RYR3: variants seen among roughly 807,000 people sequenced by gnomAD.
The protein encoded by RYR3 is ryanodine receptor 3.
A neutral mutation model predicts 584.3 loss-of-function variants in RYR3; 207 were observed. That is an observed-to-expected ratio of 0.35 (90% CI 0.32 to 0.40). The LOEUF is 0.40. RYR3 is among the 10% of genes least tolerant of loss of function. The pLI is 1.00. For synonymous variants in RYR3, 2,416 were observed against 2,248.5 expected (o/e 1.07, Z -2.11); for missense variants, 5,616 against 6,089.2 (o/e 0.92, Z 2.59).
At chr15:33,473,310 C>A (rs757514425) in intron 1 of RYR3, 109 bp from the exon 2 acceptor site, 1 of 1,268,522 alleles carries the variant, frequency 7.9e-7, no homozygotes, top group Non-Finnish European at 1.1e-6. Flanking sequence ...ACAAAAAGCA[C>A]GTGGCTGTCA....
chr15:33,803,050 G>A lies in RYR3; in HGVS notation c.10011+1089G>A, dbSNP rs535123143. On this transcript the variant is annotated intron_variant, in intron 69 of 103. Coordinates refer to ENST00000634891, the MANE Select transcript of RYR3 (RefSeq NM_001036.6). ...CCAAAAGCGAAAACTTTAGCATCTG[G>A]AGCTCCACCAAGCATAGCTAGCTCT... 2.0e-5 allele frequency among the ~76,000 whole-genome samples: 3 copies of A among 152,306 alleles called. No individual in the cohort carries two copies. In the South Asian group the frequency reaches 6.2e-4, roughly 32 times the overall value.
chr15:33,786,260 T>C (rs1329625802), intron 66 of RYR3, among the ~76,000 whole-genome samples: 9 of 152,192 alleles, frequency 5.9e-5, no homozygotes, highest in South Asian at 4.1e-4. Flanking sequence ...CCAATGAGCA[T>C]TGCTTTATTT....
At chr15:33,631,112 A>AG in intron 22 of RYR3, 98 bp from the exon 23 acceptor site, 1 of 725,608 alleles carries the variant, frequency 1.4e-6, no homozygotes, top group Admixed American at 2.8e-5. Context: ...GGGCTAAATG[A>AG]ATGGCTCTTG....
chr15:33,420,417 T>C (rs554613763), intron 1 of RYR3, among the ~76,000 whole-genome samples: 1 of 152,288 alleles, frequency 6.6e-6, no homozygotes, highest in East Asian at 1.9e-4. Flanking sequence ...ACTTGTAAGT[T>C]GATTAATATT....
chr15:33,379,685 CTCTATATA>C (rs1416754891), intron 1 of RYR3, among the ~76,000 whole-genome samples: 3 of 117,844 alleles, frequency 2.5e-5, no homozygotes, highest in African/African-American at 8.0e-5. Context: ...CTCTCTCTCT[CTCTATATA>C]TATATATATA....
rs200094293 is a variant in RYR3, at chr15:33,597,412, C to T, written c.1789-4007C>T. ...TGGGCAGATTACGAGGTCAGGAGTT[C>T]GAAACCAGCCTGGTCAACATAGTGA... On this transcript the variant is annotated intron_variant, in intron 16 of 103. Transcript: ENST00000634891. Among the ~76,000 whole-genome samples, 3 of 152,130 alleles carry T rather than the reference C, an allele frequency of 2.0e-5. No homozygotes were observed. In the East Asian group the frequency reaches 5.8e-4, roughly 30 times the overall value.
At chr15:33,438,697 C>T (rs2045945476) in intron 1 of RYR3, among the ~76,000 whole-genome samples, 1 of 152,130 alleles carries the variant, frequency 6.6e-6, no homozygotes, top group African/African-American at 2.4e-5. Context: ...ATATCTTTTC[C>T]ACAATATCTT....
chr15:33,361,982 A>T (rs969938266), intron 1 of RYR3, among the ~76,000 whole-genome samples: 1 of 152,160 alleles, frequency 6.6e-6, no homozygotes, highest in African/African-American at 2.4e-5. Context: ...CAGGAAGGTA[A>T]CTGACTGGAG....
intron 1 of RYR3, among the ~76,000 whole-genome samples, chr15:33,410,285 G>T (rs1023524831): frequency 6.6e-6 from 1 of 152,252 alleles, no homozygotes. Context: ...TAACTGAACA[G>T]GAGCCTTTGA....
chr15:33,807,924 G>A, intron 70 of RYR3: 2 of 284,118 alleles, frequency 7.0e-6, no homozygotes, highest in Non-Finnish European at 1.3e-5. Flanking sequence ...GCTACCCAGG[G>A]TCAGAGTCCT....
chr15:33,648,279 T>C (rs2062224600), intron 30 of RYR3, among the ~76,000 whole-genome samples: 1 of 152,170 alleles, frequency 6.6e-6, no homozygotes, highest in South Asian at 2.1e-4. Flanking sequence ...TACCTGGCAG[T>C]GTCAAGATTC....
intron 85 of RYR3, among the ~76,000 whole-genome samples, chr15:33,828,100 A>G (rs1469394081): frequency 6.6e-6 from 1 of 152,098 alleles, no homozygotes; most frequent in Non-Finnish European, 1.5e-5. Context: ...ACTTTTCACT[A>G]TTATATCTAT....
rs10647466 is a variant in RYR3 at position 33,450,087 on chromosome 15, T to TAAAAAAAAAAAAA, written c.52-23320_52-23308dup. ...TTACTGCGGCTAGAGCATTAATACC[T>TAAAAAAAAAAAAA]AAAAAAAAAAAAAAAAAAAAAAAAG... is the stretch of plus-strand genomic sequence containing the variant. On this transcript the variant is annotated intron_variant, in intron 1 of 103. Transcript: ENST00000634891. 9.2e-4 allele frequency among the ~76,000 whole-genome samples: 62 copies of TAAAAAAAAAAAAA among 67,316 alleles called. 11 individuals carry two copies. The highest frequency in any genetic ancestry group is 2.0e-3 in the African/African-American group (36 of 18,202). The allele number at this position is 67,316 out of a possible 152,430, so 44.2% of individuals were successfully genotyped here. A position where few individuals can be genotyped will look rare whatever the true frequency, so the allele number is the denominator to read the frequency against.
chr15:33,665,344 A>G (rs1170315324), intron 36 of RYR3, among the ~76,000 whole-genome samples: 2 of 152,210 alleles, frequency 1.3e-5, no homozygotes, highest in Non-Finnish European at 2.9e-5. Context: ...GGTTCCTGCA[A>G]GGATCCCATT....
rs1270841724 is a variant in RYR3, at chr15:33,662,512, T to A, written c.4982T>A (p.Leu1661His). The A allele has an allele frequency of 6.2e-7, 1 of 1,614,004 alleles. No individual in the cohort carries two copies. The highest frequency in any genetic ancestry group is 1.1e-5 in the South Asian group (1 of 91,078). ...GLPGVGLRTC[L>H]KPGFRFSTPC... ...CCTGGGGTGGGCCTGAGAACATGTC[T>A]CAAGCCCGGGTTCAGGTTCTCCACC... Residue 1661 changes from leucine (L) to histidine (H), a missense_variant, in exon 35 of 104, where the codon CTC (leucine) becomes CAC (histidine). By Grantham distance (99) the Leu-to-His change is moderately conservative (BLOSUM62 -3). Around this residue, in one of 9 missense-constraint regions of RYR3, gnomAD observed 753 missense variants for 741.0 expected, o/e 1.02. Coordinates refer to ENST00000634891, the MANE Select transcript of RYR3 (RefSeq NM_001036.6).
chr15:33,840,041 A>G (rs1004957148), intron 89 of RYR3, among the ~76,000 whole-genome samples: 12 of 152,328 alleles, frequency 7.9e-5, no homozygotes, highest in Non-Finnish European at 5.9e-5. Flanking sequence ...GGGAGAAGAC[A>G]ACAAATAAGA....
At chr15:33,809,956 C>T (rs1001965224) in intron 70 of RYR3, among the ~76,000 whole-genome samples, 3 of 152,176 alleles carry the variant, frequency 2.0e-5, no homozygotes, top group Non-Finnish European at 2.9e-5. Context: ...CAGCTGGATT[C>T]CAAAGCAGCC....
intron 1 of RYR3, among the ~76,000 whole-genome samples, chr15:33,458,029 G>C (rs1366070795): frequency 6.6e-6 from 1 of 152,162 alleles, no homozygotes; most frequent in Non-Finnish European, 1.5e-5. Context: ...CTTCCTGGTT[G>C]CTTGGCTAGT....
At chr15:33,622,295 A>G (rs1051984168) in intron 19 of RYR3, among the ~76,000 whole-genome samples, 1 of 152,124 alleles carries the variant, frequency 6.6e-6, no homozygotes, top group East Asian at 1.9e-4. Flanking sequence ...CTTTCTGTTC[A>G]TCTGATCCAC....
Sources: allele counts gnomAD v4.1 joint callset (sites outside exome capture counted in the v4.1 genomes callset), GRCh38; gene constraint gnomAD v4.1.1; regional missense constraint gnomAD v4.1.1; transcripts MANE v1.5; gene names NCBI Gene and HGNC (gene_info 2026-07-23, HGNC 2026-07-21).